The following SLC38A1 variants were observed in gnomAD, a reference collection of about 807,000 sequenced individuals.
SLC38A1 encodes sodium-coupled neutral amino acid symporter 1.
SLC38A1 carries 18 observed loss-of-function variants against 60.3 expected under a neutral mutation model. That is an observed-to-expected ratio of 0.30 (90% confidence interval 0.21 to 0.44). The LOEUF (loss-of-function observed/expected upper bound fraction) is 0.44, where lower values mean the gene tolerates loss of function less well. Ranked by LOEUF, SLC38A1 falls within the 20% of genes least tolerant of loss-of-function variation. The pLI, the probability that SLC38A1 is intolerant of heterozygous loss-of-function variation, is 1.00. For missense variants in SLC38A1, 448 were observed against 587.2 expected (o/e 0.76, Z 2.45); for synonymous variants, 196 against 212.1 (o/e 0.92, Z 0.66).
intron 5 of SLC38A1, among the ~76,000 whole-genome samples, chr12:46,219,572 A>T (rs1940567353): frequency 6.6e-6 from 1 of 152,196 alleles, no homozygotes; most frequent in South Asian, 2.1e-4. Context: ...TGGCCAGAGA[A>T]CAAAGCAAAA....
chr12:46,245,381 TC>T (rs1941579992), intron 1 of SLC38A1, among the ~76,000 whole-genome samples: 1 of 152,194 alleles, frequency 6.6e-6, no homozygotes, highest in East Asian at 1.9e-4. Context: ...TTATTAACTG[TC>T]AGGGTAATGC....
intron 2 of SLC38A1, among the ~76,000 whole-genome samples, chr12:46,241,994 G>T (rs968360625): frequency 2.6e-5 from 4 of 152,090 alleles, no homozygotes; most frequent in African/African-American, 9.7e-5. Context: ...AATAGATCCC[G>T]AGTCTACTGT....
Position 46,257,907 on chromosome 12 carries a change from G to T in SLC38A1, c.-209+10619C>A, listed in dbSNP as rs572188775. On this transcript the variant is annotated intron_variant, in intron 1 of 16. Coordinates refer to ENST00000398637, the MANE Select transcript of SLC38A1 (RefSeq NM_030674.4). ...GATCTCGCACAAGAAAAAATTCAGG[G>T]TGAGTCCATAGAGTAAAGCGAAATG... 5.3e-5 allele frequency among the ~76,000 whole-genome samples: 8 copies of T among 152,350 alleles called. No homozygotes were observed. The South Asian group carries it at 6.2e-4, about 12-fold the overall frequency.
At chr12:46,215,030 T>C (rs539663355) in intron 5 of SLC38A1, among the ~76,000 whole-genome samples, 1 of 152,358 alleles carries the variant, frequency 6.6e-6, no homozygotes, top group African/African-American at 2.4e-5. Context: ...AATTAGGATC[T>C]TGTTAAAATG....
intron 5 of SLC38A1, among the ~76,000 whole-genome samples, chr12:46,226,132 T>C (rs1460452816): frequency 6.6e-6 from 1 of 152,122 alleles, no homozygotes; most frequent in Non-Finnish European, 1.5e-5. Context: ...GTCCTTATGT[T>C]TTAGAGATAT....
At chr12:46,194,969 T>C (rs1167762251) in intron 16 of SLC38A1, among the ~76,000 whole-genome samples, 1 of 152,226 alleles carries the variant, frequency 6.6e-6, no homozygotes, top group African/African-American at 2.4e-5. Context: ...TCTAGTTTTG[T>C]TCCCTTGCTG....
chr12:46,190,707 T>G (rs547857066), intron 16 of SLC38A1, among the ~76,000 whole-genome samples: 3 of 152,236 alleles, frequency 2.0e-5, no homozygotes, highest in Non-Finnish European at 4.4e-5. Flanking sequence ...CATTTTTTCA[T>G]GTGTCTGTTG....
In SLC38A1 at chr12:46,183,878, C is replaced by G. The variant is rs1356603263; in HGVS notation, c.*5092G>C. 6.6e-6 allele frequency: 1 copy of G among 152,350 alleles called. No homozygotes were observed. The highest frequency in any genetic ancestry group is 1.9e-4 in the East Asian group (1 of 5,196). The allele number at this position is 152,350 out of a possible 1,614,324, so 9.4% of individuals were successfully genotyped here. A position where few individuals can be genotyped will look rare whatever the true frequency, so the allele number is the denominator to read the frequency against. On this transcript the variant is annotated 3_prime_UTR_variant, in exon 17 of 17. Transcript: ENST00000398637. ...TACCTGGGAGAGAATGTAAATTTTTCTAATTCCCAAACAAAACCACTAATT... is the reference window on the plus strand; with the variant it reads ...TACCTGGGAGAGAATGTAAATTTTTGTAATTCCCAAACAAAACCACTAATT...
In SLC38A1 at chr12:46,204,328, C is replaced by T. The variant is rs767589020; in HGVS notation, c.795G>A (p.Thr265=). The stretch of plus-strand genomic sequence containing the variant: ...TTGAATTGAAGGTAACATATTTTGG[C>T]GTACACGTGTCAGCATTTGTTGAAT... The part of the protein sequence containing the change: ...SANSTNADTC[T]PKYVTFNSKT... Residue 265 remains threonine, a synonymous_variant, in exon 11 of 17, where the codon ACG becomes ACA. Transcript: ENST00000398637. The T allele has an allele frequency of 1.2e-5, 20 of 1,611,186 alleles. No individual in the cohort carries two copies. Among genetic ancestry groups the T allele is most frequent in the Middle Eastern group, 1.6e-4 (1 of 6,064 alleles).
rs569434684 is a variant in SLC38A1, at chr12:46,188,289, T to C, written c.*681A>G. 6.6e-6 allele frequency: 1 copy of C among 152,362 alleles called. No individual in the cohort carries two copies. Among genetic ancestry groups the C allele is most frequent in the East Asian group, 1.9e-4 (1 of 5,178 alleles). 9.4% of individuals were successfully genotyped at this position (152,362 alleles called of 1,614,324 possible). A position where few individuals can be genotyped will look rare whatever the true frequency, so the allele number is the denominator to read the frequency against. ...AAGGTAAGAATCATCCCCAACCACT[T>C]TTCAGCTGAGAACACTTGCCAGAGA... On this transcript the variant is annotated 3_prime_UTR_variant, in exon 17 of 17. Transcript: ENST00000398637.
At chr12:46,205,177 T>C (rs1325663320) in intron 9 of SLC38A1, among the ~76,000 whole-genome samples, 1 of 152,134 alleles carries the variant, frequency 6.6e-6, no homozygotes, top group East Asian at 1.9e-4. Context: ...TAGAGTTAAG[T>C]AGCCTCTCGG....
chr12:46,206,425 T>G (rs1939905413), intron 8 of SLC38A1, among the ~76,000 whole-genome samples: 1 of 152,104 alleles, frequency 6.6e-6, no homozygotes, highest in Non-Finnish European at 1.5e-5. Context: ...TTTTGAATTA[T>G]TTACATGGTT....
rs1276355316 is a variant in SLC38A1, at chr12:46,185,232, C to T, written c.*3738G>A. 1.3e-5 allele frequency: 2 copies of T among 152,160 alleles called. No homozygotes were observed. Among genetic ancestry groups the T allele is most frequent in the Non-Finnish European group, 2.9e-5 (2 of 68,080 alleles). The allele number at this position is 152,160 out of a possible 1,614,324, so 9.4% of individuals were successfully genotyped here. On this transcript the variant is annotated 3_prime_UTR_variant, in exon 17 of 17. Coordinates refer to ENST00000398637, the MANE Select transcript of SLC38A1 (RefSeq NM_030674.4). ...CTGAGAATCTGCATTCTAATGAGGT[C>T]CCCGATGATGCTGATGCTACTGGTC...
intron 5 of SLC38A1, among the ~76,000 whole-genome samples, chr12:46,215,941 A>G (rs962968674): frequency 1.3e-5 from 2 of 152,176 alleles, no homozygotes; most frequent in Non-Finnish European, 2.9e-5. Flanking sequence ...TCCAAAACTT[A>G]CAGACATACT....
intron 1 of SLC38A1, among the ~76,000 whole-genome samples, chr12:46,250,860 C>A (rs1941812501): frequency 6.6e-6 from 1 of 152,150 alleles, no homozygotes; most frequent in African/African-American, 2.4e-5. Flanking sequence ...AACAAATGGA[C>A]TAACATTCCA....
chr12:46,192,849 G>T (rs997819842), intron 16 of SLC38A1, among the ~76,000 whole-genome samples: 12 of 151,950 alleles, frequency 7.9e-5, no homozygotes, highest in African/African-American at 2.7e-4. Context: ...CTTGCTAGTG[G>T]TCTATCAATT....
chr12:46,262,623 A>G (rs1351829634), intron 1 of SLC38A1, among the ~76,000 whole-genome samples: 1 of 152,202 alleles, frequency 6.6e-6, no homozygotes, highest in African/African-American at 2.4e-5. Context: ...CTATTGTACT[A>G]AAAAAGATGG....
At chr12:46,198,170 G>A in intron 14 of SLC38A1, 110 bp from the exon 15 acceptor site, 1 of 1,152,522 alleles carries the variant, frequency 8.7e-7, no homozygotes, top group Non-Finnish European at 1.2e-6. Flanking sequence ...GAAATGTTTT[G>A]TAATGCCTAG....
At chr12:46,189,523 A>G (rs759658954) in intron 16 of SLC38A1, among the ~76,000 whole-genome samples, 3 of 152,212 alleles carry the variant, frequency 2.0e-5, no homozygotes, top group Non-Finnish European at 2.9e-5. Context: ...ATACAAAAGC[A>G]AAATAGATTT....
Sources: gnomAD v4.1 joint callset for allele counts (sites outside exome capture counted in the v4.1 genomes callset) on GRCh38, gnomAD v4.1.1 for gene constraint, MANE v1.5 for transcripts, NCBI Gene and HGNC (gene_info 2026-07-23, HGNC 2026-07-21) for gene names.